The following PAH variants were observed in gnomAD, a reference collection of about 807,000 sequenced individuals.
PAH encodes phenylalanine-4-hydroxylase.
A neutral mutation model predicts 62.0 loss-of-function variants in PAH; 64 were observed. That is an observed-to-expected ratio of 1.03 (90% CI 0.84 to 1.27). PAH has a LOEUF of 1.27. PAH is among the 50% of genes most tolerant of loss of function. The probability of loss-of-function intolerance (pLI) is 0.00; values close to 1 mark genes in which losing one functional copy is unlikely to be tolerated. For missense variants in PAH, 579 were observed against 542.8 expected (o/e 1.07, Z -0.66); for synonymous variants, 195 against 196.2 (o/e 0.99, Z 0.05).
intron 1 of PAH, among the ~76,000 whole-genome samples, chr12:102,934,332 G>A (rs1191620453): frequency 6.6e-6 from 1 of 152,026 alleles, no homozygotes; most frequent in African/African-American, 2.4e-5. Context: ...CTATAGCTCT[G>A]TATTATAATT....
At chr12:102,887,714 T>C (rs1877101600) in intron 3 of PAH, among the ~76,000 whole-genome samples, 1 of 152,154 alleles carries the variant, frequency 6.6e-6, no homozygotes, top group Non-Finnish European at 1.5e-5. Context: ...AGTGGGTCTT[T>C]GCTCCATTTC....
chr12:102,876,645 G>T (rs1291482767), intron 4 of PAH, among the ~76,000 whole-genome samples: 1 of 152,190 alleles, frequency 6.6e-6, no homozygotes, highest in Non-Finnish European at 1.5e-5. Flanking sequence ...GAGAATAAAG[G>T]GCAGGCAACA....
intron 5 of PAH, among the ~76,000 whole-genome samples, chr12:102,865,041 A>C (rs1334185058): frequency 1.3e-5 from 2 of 152,208 alleles, no homozygotes; most frequent in African/African-American, 2.4e-5. Context: ...TTGACTAAAA[A>C]ATTTTAACGT....
At chr12:102,854,039 G>C (rs932061767) in intron 6 of PAH, among the ~76,000 whole-genome samples, 3 of 152,118 alleles carry the variant, frequency 2.0e-5, no homozygotes, top group Non-Finnish European at 4.4e-5. Flanking sequence ...ATTGGCCATG[G>C]CAATGGAAGT....
intron 4 of PAH, 140 bp from the exon 5 acceptor site, chr12:102,866,803 G>C (rs1054515452): frequency 8.0e-6 from 6 of 752,636 alleles, no homozygotes; most frequent in East Asian, 2.6e-5. Flanking sequence ...CTAAAGTCTC[G>C]GTTAAACTTA....
intron 4 of PAH, 118 bp downstream of exon 4, chr12:102,877,344 A>G (rs1001537679): frequency 2.3e-4 from 193 of 829,340 alleles, no homozygotes; most frequent in Non-Finnish European, 2.7e-4. Context: ...TAGGAACACA[A>G]TAAGTGTTTG....
chr12:102,871,126 T>G (rs1522304), intron 4 of PAH, among the ~76,000 whole-genome samples: 128,785 of 152,124 alleles, frequency 0.85, 54,592 homozygotes, highest in South Asian at 0.92. Context: ...CTCCACTTCA[T>G]CCCAAATTAT....
intron 1 of PAH, among the ~76,000 whole-genome samples, chr12:102,928,340 A>G (rs1878745843): frequency 6.6e-6 from 1 of 152,200 alleles, no homozygotes; most frequent in South Asian, 2.1e-4. Flanking sequence ...TTAAATGTAC[A>G]ATAAATTACT....
chr12:102,902,983 A>G (rs1877820677), intron 2 of PAH, among the ~76,000 whole-genome samples: 1 of 152,242 alleles, frequency 6.6e-6, no homozygotes, highest in Non-Finnish European at 1.5e-5. Flanking sequence ...AATCTGGCTC[A>G]GCTCACGCCT....
rs570712315 is a variant in PAH, at chr12:102,843,185, T to C, written c.1199+461A>G. On this transcript the variant is annotated intron_variant, in intron 11 of 12. Coordinates refer to ENST00000553106, the MANE Select transcript of PAH (RefSeq NM_000277.3). ...TTACCTTATGTAATATATTACAAGT[T>C]AATAAGTATTACAGACGCACTGGTG... is the stretch of plus-strand genomic sequence containing the variant. 9.2e-5 allele frequency among the ~76,000 whole-genome samples: 14 copies of C among 152,310 alleles called. No homozygotes were observed. In the South Asian group the frequency reaches 2.7e-3, roughly 29 times the overall value.
Position 102,839,223 on chromosome 12 carries a change from A to G in PAH, c.1316-5T>C, listed in dbSNP as rs62509020. 6.2e-7 allele frequency: 1 copy of G among 1,613,776 alleles called. No homozygotes were observed. Among genetic ancestry groups the G allele is most frequent in the Non-Finnish European group, 8.5e-7 (1 of 1,179,732 alleles). ...TGCAAAGGATTCCAATTTCACCTAC[A>G]AAGAAAAACACCATCAAAATGGGCC... On this transcript the variant is annotated splice_region_variant and splice_polypyrimidine_tract_variant and intron_variant, in intron 12 of 12. Coordinates refer to ENST00000553106, the MANE Select transcript of PAH (RefSeq NM_000277.3).
chr12:102,851,687 C>T lies in PAH; in HGVS notation c.912G>A (p.Gln304=), dbSNP rs199475583. 4 of 1,613,540 alleles carry T rather than the reference C, an allele frequency of 2.5e-6. No homozygotes were observed. Among genetic ancestry groups the T allele is most frequent in the Admixed American group, 1.7e-5 (1 of 60,004 alleles). Residue 304 remains glutamine, a splice_region_variant and synonymous_variant, in exon 8 of 13, where the codon CAG becomes CAA. Coordinates refer to ENST00000553106, the MANE Select transcript of PAH (RefSeq NM_000277.3). ...FSDRSFAQFS[Q]EIGLASLGAP... ...GAAGGCTAAAAAATCCATTCCTTAC[C>T]TGGGAAAACTGGGCAAAGCTGCGAT...
At chr12:102,936,517 C>T (rs1231776484) in intron 1 of PAH, among the ~76,000 whole-genome samples, 2 of 152,116 alleles carry the variant, frequency 1.3e-5, no homozygotes, top group Admixed American at 1.3e-4. Flanking sequence ...GAATCTACCT[C>T]TTTCTTTAGC....
intron 9 of PAH, among the ~76,000 whole-genome samples, 179 bp downstream of exon 9, chr12:102,846,716 T>A (rs2136639244): frequency 6.6e-6 from 1 of 152,312 alleles, no homozygotes; most frequent in Non-Finnish European, 1.5e-5. Context: ...GATTTCAAAA[T>A]CAAATTATTA....
chr12:102,934,928 C>T (rs115760585), intron 1 of PAH, among the ~76,000 whole-genome samples: 1 of 152,130 alleles, frequency 6.6e-6, no homozygotes, highest in African/African-American at 2.4e-5. Flanking sequence ...TCTGATTGCT[C>T]TAACTAGAAC....
Position 102,868,030 on chromosome 12 carries a change from GTATATACACCTA to G in PAH, c.442-1379_442-1368del, listed in dbSNP as rs1390371065. 1.2e-4 allele frequency among the ~76,000 whole-genome samples: 16 copies of G among 128,986 alleles called. No homozygotes were observed. In the South Asian group the frequency reaches 1.3e-3, roughly 10 times the overall value. 84.6% of individuals were successfully genotyped at this position (128,986 alleles called of 152,430 possible). A position where few individuals can be genotyped will look rare whatever the true frequency, so the allele number is the denominator to read the frequency against. ...TATATACATATATACATATATACAT[GTATATACACCTA>G]TATATATGTATATATATACACATAT... On this transcript the variant is annotated intron_variant, in intron 4 of 12. Coordinates refer to ENST00000553106, the MANE Select transcript of PAH (RefSeq NM_000277.3).
At chr12:102,844,552 T>A (rs578116633) in intron 9 of PAH, 121 bp from the exon 10 acceptor site, 1 of 630,266 alleles carries the variant, frequency 1.6e-6, no homozygotes, top group African/African-American at 1.8e-5. Flanking sequence ...TGTCTATGTC[T>A]ATGAGGGTGT....
At chr12:102,878,223 T>C (rs889834434) in intron 3 of PAH, among the ~76,000 whole-genome samples, 3 of 152,234 alleles carry the variant, frequency 2.0e-5, no homozygotes, top group Admixed American at 2.0e-4. Flanking sequence ...CTTCCCATTA[T>C]GTGTTTCCCT....
rs149123135 is a variant in PAH at position 102,934,103 on chromosome 12, A to G, written c.-96+16486T>C. Among the ~76,000 whole-genome samples, 511 of 152,180 alleles carry G rather than the reference A, an allele frequency of 3.4e-3. 4 individuals are homozygous for G. The highest frequency in any genetic ancestry group is 0.011 in the African/African-American group (448 of 41,554). ...TTAAATTTTGATTTGATTTTTTAAT[A>G]TGATGAGACATAGGAATGTTGGTTC... is the stretch of plus-strand genomic sequence containing the variant. On this transcript the variant is annotated intron_variant, in intron 1 of 3. Transcript: ENST00000546844.
Sources: gnomAD v4.1 joint callset for allele counts (sites outside exome capture counted in the v4.1 genomes callset) on GRCh38, gnomAD v4.1.1 for gene constraint, MANE v1.5 for transcripts, NCBI Gene and HGNC (gene_info 2026-07-23, HGNC 2026-07-21) for gene names.